The following PPP3CA variants were observed in gnomAD, a reference collection of about 807,000 sequenced individuals.
PPP3CA encodes the protein CAM-PRP catalytic subunit.
In PPP3CA, 14 loss-of-function variants were observed where a neutral mutation model predicts 66.5. The ratio of observed to expected loss-of-function variants is 0.21; its 90% CI spans 0.14 to 0.33. PPP3CA has a LOEUF of 0.33. PPP3CA is among the 10% of genes least tolerant of loss of function. The pLI is 1.00. For missense variants in PPP3CA, 317 were observed against 639.5 expected, an observed-to-expected ratio of 0.50 and a Z score of 5.44; for synonymous variants, 232 against 226.2, an observed-to-expected ratio of 1.03 and a Z score of -0.23.
chr4:101,210,594 C>T (rs1405067176), intron 1 of PPP3CA, among the ~76,000 whole-genome samples: 1 of 152,148 alleles, frequency 6.6e-6, no homozygotes, highest in Non-Finnish European at 1.5e-5. Flanking sequence ...CTTGGCCACA[C>T]ATCCTAATCA....
intron 1 of PPP3CA, among the ~76,000 whole-genome samples, chr4:101,220,055 C>T (rs1196528165): frequency 6.6e-6 from 1 of 151,744 alleles, no homozygotes; most frequent in Non-Finnish European, 1.5e-5. Context: ...ACTGGAAGAA[C>T]TTTGCTTCAA....
chr4:101,241,400 A>C (rs1726304239), intron 1 of PPP3CA, among the ~76,000 whole-genome samples: 1 of 152,296 alleles, frequency 6.6e-6, no homozygotes, highest in East Asian at 1.9e-4. Flanking sequence ...CACAAATTAC[A>C]GGTGATATTA....
At position 101,032,204 on chromosome 4, in the gene PPP3CA, G is replaced by A. The variant is rs1726998015; in HGVS notation, c.1339+63C>T. The A allele has an allele frequency of 9.0e-6, 11 of 1,222,528 alleles. No homozygotes were observed. The South Asian group carries it at 1.3e-4, about 14-fold the overall frequency. 75.7% of individuals were successfully genotyped at this position (1,222,528 alleles called of 1,614,324 possible). On this transcript the variant is annotated intron_variant, in intron 12 of 13. Coordinates refer to ENST00000394854, the MANE Select transcript of PPP3CA (RefSeq NM_000944.5). ...GAGCTTAAATGAATGAATAAATCAG[G>A]GCTCTAATGACACAGCTGACTGCGA...
intron 10 of PPP3CA, among the ~76,000 whole-genome samples, chr4:101,041,536 G>T (rs58457068): frequency 0.17 from 24,525 of 146,690 alleles, 2,201 homozygotes; most frequent in South Asian, 0.24. Flanking sequence ...CCAGGTTCAA[G>T]TGATTTTCCT....
intron 2 of PPP3CA, among the ~76,000 whole-genome samples, chr4:101,161,858 G>T (rs1278499635): frequency 2.0e-5 from 3 of 152,136 alleles, no homozygotes; most frequent in Admixed American, 1.3e-4. Flanking sequence ...CAGGCAAAGT[G>T]ATCATTTTGT....
chr4:101,033,275 G>GACACACACACACACAA (rs1727077904), intron 11 of PPP3CA, among the ~76,000 whole-genome samples: 2 of 126,834 alleles, frequency 1.6e-5, no homozygotes, highest in Non-Finnish European at 3.3e-5. Flanking sequence ...CATACATAGA[G>GACACACACACACACAA]ACACACACAC....
intron 10 of PPP3CA, among the ~76,000 whole-genome samples, chr4:101,057,431 A>C (rs1728273770): frequency 6.6e-6 from 1 of 152,212 alleles, no homozygotes; most frequent in South Asian, 2.1e-4. Context: ...TGAGATATGA[A>C]CTAAAAGGTC....
intron 1 of PPP3CA, among the ~76,000 whole-genome samples, chr4:101,215,369 T>C (rs988955443): frequency 1.3e-5 from 2 of 152,046 alleles, no homozygotes; most frequent in African/African-American, 4.8e-5. Context: ...TGGATGTAAC[T>C]AAATCAGGTT....
At chr4:101,040,805 G>A (rs183234232) in intron 10 of PPP3CA, among the ~76,000 whole-genome samples, 1 of 152,284 alleles carries the variant, frequency 6.6e-6, no homozygotes, top group African/African-American at 2.4e-5. Context: ...TATCCAGAGG[G>A]GAGGTGAGTA....
At chr4:101,280,341 G>A (rs1363205347) in intron 1 of PPP3CA, among the ~76,000 whole-genome samples, 1 of 152,152 alleles carries the variant, frequency 6.6e-6, no homozygotes, top group Non-Finnish European at 1.5e-5. Flanking sequence ...AAGGCCTTGA[G>A]CTGTGAATCT....
At chr4:101,315,635 A>G (rs540605113) in intron 1 of PPP3CA, among the ~76,000 whole-genome samples, 20 of 152,356 alleles carry the variant, frequency 1.3e-4, no homozygotes, top group African/African-American at 4.1e-4. Context: ...ATTCAGCTGT[A>G]TATGACAAAC....
intron 1 of PPP3CA, among the ~76,000 whole-genome samples, chr4:101,329,461 A>C (rs753135213): frequency 1.3e-4 from 20 of 152,210 alleles, no homozygotes; most frequent in Non-Finnish European, 2.6e-4. Context: ...TTAATGTAGA[A>C]GCTACAGCAA....
At chr4:101,253,786 A>T (rs1578598097) in intron 1 of PPP3CA, among the ~76,000 whole-genome samples, 1 of 152,114 alleles carries the variant, frequency 6.6e-6, no homozygotes, top group African/African-American at 2.4e-5. Context: ...ATGATGAGTT[A>T]GTCTCAGAAA....
chr4:101,280,075 T>C (rs1277346516), intron 1 of PPP3CA, among the ~76,000 whole-genome samples: 1 of 152,170 alleles, frequency 6.6e-6, no homozygotes, highest in Non-Finnish European at 1.5e-5. Context: ...GACCAGGCAC[T>C]GTAGTAAGAA....
rs771722172 is a variant in PPP3CA, at chr4:101,025,956, G to C, written c.1475C>G (p.Ser492Cys). Residue 492 changes from serine (S) to cysteine (C), a missense_variant, in exon 14 of 14, where the codon TCT (serine) becomes TGT (cysteine). Coordinates refer to ENST00000394854, the MANE Select transcript of PPP3CA (RefSeq NM_000944.5). ...RMPPRRDAMP[S>C]DANLNSINKA... ...GTTGATGGAGTTAAGGTTGGCGTCA[G>C]AGGGCATGGCATCTCTGCGAGGCGG... 6.2e-7 allele frequency: 1 copy of C among 1,613,038 alleles called. No individual in the cohort carries two copies. Among genetic ancestry groups the C allele is most frequent in the South Asian group, 1.1e-5 (1 of 91,022 alleles).
At chr4:101,031,281 C>CAAAG (rs1356705177) in intron 12 of PPP3CA, among the ~76,000 whole-genome samples, 1 of 151,784 alleles carries the variant, frequency 6.6e-6, no homozygotes, top group South Asian at 2.1e-4. Flanking sequence ...AAAAAAGATT[C>CAAAG]AAAGAAAGAT....
At chr4:101,146,947 T>C (rs147247169) in intron 2 of PPP3CA, among the ~76,000 whole-genome samples, 3 of 152,322 alleles carry the variant, frequency 2.0e-5, no homozygotes, top group Non-Finnish European at 4.4e-5. Flanking sequence ...TCAAATTCTG[T>C]AGCATTTCAA....
Position 101,182,753 on chromosome 4 carries a change from T to C in PPP3CA, c.259+13163A>G, listed in dbSNP as rs115901609. 9.1e-3 allele frequency among the ~76,000 whole-genome samples: 1,387 copies of C among 152,242 alleles called. 24 individuals are homozygous for C. The highest frequency in any genetic ancestry group is 0.032 in the African/African-American group (1,331 of 41,554). On this transcript the variant is annotated intron_variant, in intron 2 of 13. Transcript: ENST00000394854. Reference sequence around the variant, plus strand: ...AAATCTCATAGTGAATTCCGACGTGTTGTGGGAGGGACCAGGTGGGAGATA... The same window carrying C: ...AAATCTCATAGTGAATTCCGACGTGCTGTGGGAGGGACCAGGTGGGAGATA...
At chr4:101,343,457 A>C (rs1250740195) in intron 1 of PPP3CA, among the ~76,000 whole-genome samples, 1 of 152,148 alleles carries the variant, frequency 6.6e-6, no homozygotes, top group Admixed American at 6.6e-5. Flanking sequence ...AAGGGGAGGA[A>C]GACAGTTATT....
Sources: allele counts gnomAD v4.1 joint callset (sites outside exome capture counted in the v4.1 genomes callset), GRCh38; gene constraint gnomAD v4.1.1; transcripts MANE v1.5; gene names NCBI Gene and HGNC (gene_info 2026-07-23, HGNC 2026-07-21).